The following AKAIN1 variants were observed in gnomAD, a reference collection of about 807,000 sequenced individuals.
AKAIN1 encodes A-kinase anchor inhibitor 1.
AKAIN1 carries 3 observed loss-of-function variants against 3.7 expected under a neutral mutation model. The observed-to-expected ratio is 0.82, with a 90% CI of 0.37 to 2.12. The LOEUF is 2.12. Ranked by LOEUF, AKAIN1 falls within the 30% of genes most tolerant of loss-of-function variation. The probability of loss-of-function intolerance (pLI) is 0.06; values close to 1 mark genes in which losing one functional copy is unlikely to be tolerated. For missense variants in AKAIN1, 82 were observed against 82.7 expected (o/e 0.99, Z 0.03); for synonymous variants, 31 against 30.8 (o/e 1.01, Z -0.02).
chr18:5,197,232 G>A lies in AKAIN1; in HGVS notation c.-179C>T, dbSNP rs1007477854. On this transcript the variant is annotated 5_prime_UTR_variant, in exon 1 of 2. Coordinates refer to ENST00000434239, the MANE Select transcript of AKAIN1 (RefSeq NM_001145194.2). The surrounding 1 kb of genome is among the most constrained non-coding windows in gnomAD (Gnocchi z 6.9). ...AGATCCTGGGGCCGCAGCTCCAGCC[G>A]CCGCCGCGCGCTCTGCCTCCACAAT... is the stretch of plus-strand genomic sequence containing the variant. The A allele has an allele frequency of 1.4e-6, 2 of 1,385,314 alleles. No homozygotes were observed. The highest frequency in any genetic ancestry group is 1.5e-5 in the African/African-American group (1 of 65,290). 85.8% of individuals were successfully genotyped at this position (1,385,314 alleles called of 1,614,324 possible).
chr18:5,163,315 T>G (rs1025361405), intron 1 of AKAIN1, among the ~76,000 whole-genome samples: 42 of 152,052 alleles, frequency 2.8e-4, no homozygotes, highest in African/African-American at 1.0e-3. Context: ...AAACATTAGT[T>G]TGAAAATTCT....
intron 1 of AKAIN1, among the ~76,000 whole-genome samples, chr18:5,185,872 T>C (rs1178848642): frequency 6.6e-6 from 1 of 152,154 alleles, no homozygotes; most frequent in Admixed American, 6.5e-5. Flanking sequence ...TAAACACACA[T>C]GCAGGTGTAT....
chr18:5,162,703 A>T (rs1197429760), intron 1 of AKAIN1, among the ~76,000 whole-genome samples: 1 of 151,574 alleles, frequency 6.6e-6, no homozygotes, highest in Non-Finnish European at 1.5e-5. Flanking sequence ...TGTGAGTTAC[A>T]AATTCTCATT....
chr18:5,169,600 C>T (rs1344469147), intron 1 of AKAIN1, among the ~76,000 whole-genome samples: 4 of 152,096 alleles, frequency 2.6e-5, no homozygotes, highest in Non-Finnish European at 5.9e-5. Flanking sequence ...TAGTCCAGTA[C>T]CATTACCGCG....
chr18:5,155,197 G>A (rs1226256062), intron 1 of AKAIN1, among the ~76,000 whole-genome samples: 5 of 152,162 alleles, frequency 3.3e-5, no homozygotes, highest in Non-Finnish European at 7.4e-5. Flanking sequence ...CCTTCCTTTG[G>A]GATAAGAGAC....
rs200586870 is a variant in AKAIN1 at position 5,144,595 on chromosome 18, CA to C, written c.*966del. ...CTGACCTGTATGATTTTCATAATCT[CA>C]AAAAAAAAATTTAATGTGTGAATGG... is the stretch of plus-strand genomic sequence containing the variant. On this transcript the variant is annotated 3_prime_UTR_variant, in exon 2 of 2. Transcript: ENST00000434239. 8.0e-5 allele frequency among the ~76,000 whole-genome samples: 12 copies of C among 150,066 alleles called. No homozygotes were observed. The highest frequency in any genetic ancestry group is 2.1e-4 in the South Asian group (1 of 4,752).
rs966916574 is a variant in AKAIN1 at position 5,175,712 on chromosome 18, A to G, written c.16+21326T>C. ...ACGAGCTATGAAACTCAACTTGTAC[A>G]ATTTTAGTGATTCAGCATATGAGTT... On this transcript the variant is annotated intron_variant, in intron 1 of 1. Transcript: ENST00000434239. 9.8e-5 allele frequency among the ~76,000 whole-genome samples: 15 copies of G among 152,332 alleles called. 2 individuals are homozygous for G. The highest frequency in any genetic ancestry group is 6.5e-4 in the Admixed American group (10 of 15,306).
At chr18:5,181,842 A>G (rs2143371653) in intron 1 of AKAIN1, among the ~76,000 whole-genome samples, 1 of 152,264 alleles carries the variant, frequency 6.6e-6, no homozygotes, top group African/African-American at 2.4e-5. Context: ...TCTGGCTCTG[A>G]TATAAGACCA....
intron 1 of AKAIN1, among the ~76,000 whole-genome samples, chr18:5,186,379 T>C (rs748341935): frequency 3.3e-5 from 5 of 151,924 alleles, no homozygotes; most frequent in Non-Finnish European, 7.4e-5. Flanking sequence ...AAAATAAAAG[T>C]TGAAAAAAAG....
intron 1 of AKAIN1, among the ~76,000 whole-genome samples, chr18:5,162,016 A>G (rs939132063): frequency 6.6e-6 from 1 of 152,136 alleles, no homozygotes; most frequent in Non-Finnish European, 1.5e-5. Context: ...ACCACAGACC[A>G]AAAACAATTG....
chr18:5,173,842 G>A (rs1270397828), intron 1 of AKAIN1, among the ~76,000 whole-genome samples: 2 of 151,918 alleles, frequency 1.3e-5, no homozygotes, highest in South Asian at 2.1e-4. Context: ...ATCCCCCCTC[G>A]GCCATCTGCT....
At chr18:5,197,503 T>TGAAAAAAAAAAA (rs1598320083), upstream of AKAIN1, 2 of 285,352 alleles carry the variant, frequency 7.0e-6, no homozygotes, top group Non-Finnish European at 4.3e-6. This position sits in a 1 kb window ranked among gnomAD's most constrained non-coding sequence, Gnocchi z 6.9. Context: ...GATAGATTTG[T>TGAAAAAAAAAAA]CAAAAAAAAA....
intron 1 of AKAIN1, among the ~76,000 whole-genome samples, chr18:5,196,591 C>T (rs2071349047): frequency 6.6e-6 from 1 of 152,222 alleles, no homozygotes; most frequent in Non-Finnish European, 1.5e-5. Context: ...TCCTTCTCCT[C>T]GGGAGGCCAG....
intron 1 of AKAIN1, among the ~76,000 whole-genome samples, chr18:5,171,880 A>G (rs2071199745): frequency 6.6e-6 from 1 of 152,178 alleles, no homozygotes; most frequent in Non-Finnish European, 1.5e-5. Flanking sequence ...TTGAAGAGAT[A>G]CCTGCACTCC....
At chr18:5,176,614 A>G (rs1273313834) in intron 1 of AKAIN1, among the ~76,000 whole-genome samples, 2 of 152,128 alleles carry the variant, frequency 1.3e-5, no homozygotes, top group Non-Finnish European at 2.9e-5. Context: ...GTGCCTCCCA[A>G]TGTTTGGTGT....
intron 1 of AKAIN1, among the ~76,000 whole-genome samples, chr18:5,177,111 T>C (rs1241572249): frequency 6.6e-6 from 1 of 152,126 alleles, no homozygotes; most frequent in Admixed American, 6.6e-5. Flanking sequence ...CCTAAGGATA[T>C]CATAGAATTC....
At position 5,144,428 on chromosome 18, in the gene AKAIN1, G is replaced by C. The variant is rs962476545; in HGVS notation, c.*1134C>G. On this transcript the variant is annotated 3_prime_UTR_variant, in exon 2 of 2. Coordinates refer to ENST00000434239, the MANE Select transcript of AKAIN1 (RefSeq NM_001145194.2). Reference sequence around the variant, plus strand: ...GGGACTGTAGATACTCCAGAAATATGTGCATTATCCTCACAGAAGTGGAGC... The same window carrying C: ...GGGACTGTAGATACTCCAGAAATATCTGCATTATCCTCACAGAAGTGGAGC... Among the ~76,000 whole-genome samples, 2 of 152,154 alleles carry C rather than the reference G, an allele frequency of 1.3e-5. No homozygotes were observed. The highest frequency in any genetic ancestry group is 2.9e-5 in the Non-Finnish European group (2 of 68,020).
chr18:5,183,246 C>T (rs17450879), intron 1 of AKAIN1, among the ~76,000 whole-genome samples: 21,262 of 151,778 alleles, frequency 0.14, 2,030 homozygotes, highest in Middle Eastern at 0.27. Flanking sequence ...TAAACAATCA[C>T]ATCAAAAAAT....
chr18:5,189,569 G>A (rs2143031840), intron 1 of AKAIN1, among the ~76,000 whole-genome samples: 1 of 152,198 alleles, frequency 6.6e-6, no homozygotes, highest in South Asian at 2.1e-4. Context: ...AAAGCTCTCA[G>A]GCATGGACAC....
Sources: allele counts gnomAD v4.1 joint callset (sites outside exome capture counted in the v4.1 genomes callset), GRCh38; gene constraint gnomAD v4.1.1; non-coding constraint Gnocchi (gnomAD v3.1); transcripts MANE v1.5; gene names NCBI Gene and HGNC (gene_info 2026-07-23, HGNC 2026-07-21).